PDS5A: variants seen among roughly 807,000 people sequenced by gnomAD.
The protein encoded by PDS5A is sister chromatid cohesion protein PDS5 homolog A.
In PDS5A, 42 loss-of-function variants were observed where a neutral mutation model predicts 167.1. That is an observed-to-expected ratio of 0.25 (90% confidence interval 0.20 to 0.33). PDS5A has a LOEUF of 0.33. Among genes scored for constraint, PDS5A ranks in the 10% least tolerant of loss-of-function variants. The pLI, the probability that PDS5A is intolerant of heterozygous loss-of-function variation, is 1.00. For missense variants in PDS5A, 1,033 were observed against 1,605.9 expected (o/e 0.64, Z 6.10); for synonymous variants, 553 against 554.6 (o/e 1.00, Z 0.04).
intron 4 of PDS5A, 32 bp from the exon 5 acceptor site, chr4:39,925,965 A>G (rs1043094789): frequency 4.3e-6 from 3 of 704,284 alleles, no homozygotes; most frequent in African/African-American, 1.9e-5. Context: ...ATTGAATTAT[A>G]CATATATACA....
intron 22 of PDS5A, among the ~76,000 whole-genome samples, chr4:39,867,769 CACACA>C (rs1560439990): frequency 0.026 from 3,480 of 131,326 alleles, 119 homozygotes; most frequent in East Asian, 0.11. Flanking sequence ...CACACACACA[CACACA>C]CCCCACAACT....
intron 32 of PDS5A, among the ~76,000 whole-genome samples, chr4:39,827,291 C>A (rs1715411932): frequency 6.6e-6 from 1 of 152,208 alleles, no homozygotes; most frequent in African/African-American, 2.4e-5. Context: ...ACCACTGGAC[C>A]CGGCCAAAGA....
At chr4:39,924,475 T>C (rs534177244) in intron 5 of PDS5A, among the ~76,000 whole-genome samples, 1 of 152,288 alleles carries the variant, frequency 6.6e-6, no homozygotes, top group East Asian at 1.9e-4. Flanking sequence ...CAAGCTGGAG[T>C]GATCCTTTCC....
chr4:39,925,482 C>T lies in PDS5A; in HGVS notation c.527+354G>A, dbSNP rs144830497. On this transcript the variant is annotated intron_variant, in intron 5 of 32. Coordinates refer to ENST00000303538, the MANE Select transcript of PDS5A (RefSeq NM_001100399.2). The stretch of plus-strand genomic sequence containing the variant: ...ATAATTTAATACTTCATTGTATTAA[C>T]GTAAGGTTTCAGACGATTTGCTTTA... Among the ~76,000 whole-genome samples the T allele has an allele frequency of 3.3e-4, 50 of 152,232 alleles. 3 individuals are homozygous for T. In the East Asian group the frequency reaches 7.3e-3, roughly 22 times the overall value.
intron 2 of PDS5A, among the ~76,000 whole-genome samples, chr4:39,938,391 C>A: frequency 6.6e-6 from 1 of 151,968 alleles, no homozygotes; most frequent in South Asian, 2.1e-4. Flanking sequence ...CCCATCTCTA[C>A]TAAAAATACA....
At chr4:39,929,555 A>G (rs1012067223) in intron 2 of PDS5A, among the ~76,000 whole-genome samples, 1 of 126,852 alleles carries the variant, frequency 7.9e-6, no homozygotes, top group South Asian at 2.6e-4. Flanking sequence ...ATATATATAT[A>G]TCCCATTAAT....
At chr4:39,904,993 C>T (rs1158777142) in intron 11 of PDS5A, among the ~76,000 whole-genome samples, 1 of 152,118 alleles carries the variant, frequency 6.6e-6, no homozygotes, top group African/African-American at 2.4e-5. Flanking sequence ...CGGATAAGAA[C>T]AAAGTTCACT....
intron 2 of PDS5A, among the ~76,000 whole-genome samples, chr4:39,957,560 CG>C (rs1560517366): frequency 6.6e-6 from 1 of 151,744 alleles, no homozygotes; most frequent in East Asian, 1.9e-4. Flanking sequence ...CCAAAGAGGG[CG>C]GACCACGAGG....
chr4:39,922,796 G>C, intron 5 of PDS5A, 48 bp from the exon 6 acceptor site: 56 of 1,342,748 alleles, frequency 4.2e-5, no homozygotes, highest in Non-Finnish European at 5.1e-5. Flanking sequence ...AGGAAAAGAA[G>C]AGAATTCAAG....
At chr4:39,954,670 T>TAAAAAAAAAAAAAAA (rs777287409) in intron 2 of PDS5A, among the ~76,000 whole-genome samples, 2 of 48,276 alleles carry the variant, frequency 4.1e-5, no homozygotes, top group African/African-American at 7.9e-5. Flanking sequence ...AAGAGATAAG[T>TAAAAAAAAAAAAAAA]AAAAAAAAAA....
chr4:39,970,790 C>CCTTTTT (rs1553911026), intron 2 of PDS5A, among the ~76,000 whole-genome samples: 1 of 88,490 alleles, frequency 1.1e-5, no homozygotes. Context: ...CCGCTTGTTC[C>CCTTTTT]TTTTTTTTTT....
At chr4:39,973,871 A>C (rs947832687) in intron 2 of PDS5A, 26 of 796,152 alleles carry the variant, frequency 3.3e-5, no homozygotes, top group Non-Finnish European at 4.9e-5. Flanking sequence ...CACGCCTGTA[A>C]TCCCAGCACT....
intron 23 of PDS5A, among the ~76,000 whole-genome samples, chr4:39,866,094 T>C (rs560754308): frequency 2.0e-5 from 3 of 152,314 alleles, no homozygotes; most frequent in South Asian, 4.1e-4. Context: ...TCCCTTGAGT[T>C]GCCATTGCAA....
intron 26 of PDS5A, among the ~76,000 whole-genome samples, chr4:39,857,305 T>A (rs1467059238): frequency 6.9e-6 from 1 of 144,702 alleles, no homozygotes; most frequent in African/African-American, 2.6e-5. Context: ...TGAGCCGAGA[T>A]CGCGCCACTG....
intron 32 of PDS5A, chr4:39,837,076 C>G (rs1716497487): frequency 6.6e-6 from 1 of 150,460 alleles, no homozygotes; most frequent in East Asian, 1.9e-4. Flanking sequence ...AGGTGATCCA[C>G]CCACCTAGGC....
chr4:39,970,854 G>C (rs1425647040), intron 2 of PDS5A, among the ~76,000 whole-genome samples: 7 of 136,936 alleles, frequency 5.1e-5, no homozygotes, highest in African/African-American at 1.9e-4. Context: ...CTGGAGTGCA[G>C]TGGTAGGATC....
intron 32 of PDS5A, among the ~76,000 whole-genome samples, chr4:39,833,151 G>A (rs376817559): frequency 5.1e-5 from 6 of 118,430 alleles, no homozygotes; most frequent in African/African-American, 1.9e-4. Context: ...AGATCGTGTC[G>A]TTGCACTCCA....
chr4:39,845,737 G>A lies in PDS5A; in HGVS notation c.3402+81C>T, dbSNP rs956512609. The A allele has an allele frequency of 2.3e-6, 3 of 1,298,982 alleles. No individual in the cohort carries two copies. In the African/African-American group the frequency reaches 4.7e-5, roughly 20 times the overall value. 80.5% of individuals were successfully genotyped at this position (1,298,982 alleles called of 1,614,324 possible). ...GAATCAGGAACTATACAATCTAGTG[G>A]TCATTTAAAGGTATTTCTAGGAATA... On this transcript the variant is annotated intron_variant, in intron 29 of 32. Transcript: ENST00000303538.
Position 39,875,835 on chromosome 4 carries a change from T to C in PDS5A, c.2153+1158A>G, listed in dbSNP as rs972348473. 3.9e-5 allele frequency among the ~76,000 whole-genome samples: 6 copies of C among 152,294 alleles called. No homozygotes were observed. The South Asian group carries it at 1.0e-3, about 26-fold the overall frequency. On this transcript the variant is annotated intron_variant, in intron 19 of 32. Coordinates refer to ENST00000303538, the MANE Select transcript of PDS5A (RefSeq NM_001100399.2). ...AACACTGGTGAATGACAAAGGAAGA[T>C]AGTTTCAATCAAACTGTTGTTAAAT...
Sources: allele counts gnomAD v4.1 joint callset (sites outside exome capture counted in the v4.1 genomes callset), GRCh38; gene constraint gnomAD v4.1.1; transcripts MANE v1.5; gene names NCBI Gene and HGNC (gene_info 2026-07-23, HGNC 2026-07-21).